TWSG1: variants seen among roughly 807,000 people sequenced by gnomAD.
The protein encoded by TWSG1 is twisted gastrulation protein homolog 1.
A neutral mutation model predicts 23.0 loss-of-function variants in TWSG1; 15 were observed. The observed-to-expected ratio is 0.65, with a 90% CI of 0.44 to 1.00. The LOEUF is 1.00. TWSG1 is among the 50% of genes least tolerant of loss of function. The pLI is 0.00. For synonymous variants in TWSG1, 86 were observed against 92.8 expected (o/e 0.93, Z 0.42); for missense variants, 242 against 278.7 (o/e 0.87, Z 0.94).
chr18:9,386,832 A>G (rs2040687240), intron 3 of TWSG1, among the ~76,000 whole-genome samples: 2 of 152,234 alleles, frequency 1.3e-5, no homozygotes, highest in Admixed American at 1.3e-4. Flanking sequence ...CACTGCCATC[A>G]GACTTCTCAT....
chr18:9,396,487 A>T lies in TWSG1; in HGVS notation c.431A>T (p.His144Leu). ...TTTTTAGAAACTGTGAACCAGCCAC[A>T]CCACCAGAATGTGTCTGTCCCCAGC... ...VSFLETVNQP[H>L]HQNVSVPSNN... The change falls in exon 4 of 5, where the codon CAC becomes CTC. Residue 144 changes from histidine (H) to leucine (L), a missense_variant. By Grantham distance (99) the His-to-Leu change is moderately conservative. Coordinates refer to ENST00000262120, the MANE Select transcript of TWSG1 (RefSeq NM_020648.6). The T allele has an allele frequency of 6.2e-7, 1 of 1,614,120 alleles. No individual in the cohort carries two copies. Among genetic ancestry groups the T allele is most frequent in the Non-Finnish European group, 8.5e-7 (1 of 1,180,046 alleles).
At chr18:9,348,663 C>T (rs1218273280) in intron 2 of TWSG1, among the ~76,000 whole-genome samples, 1 of 152,186 alleles carries the variant, frequency 6.6e-6, no homozygotes, top group Non-Finnish European at 1.5e-5. Context: ...AGCTGCTTTT[C>T]TCCTTAAACT....
At chr18:9,365,791 A>C (rs1215961392) in intron 3 of TWSG1, among the ~76,000 whole-genome samples, 4 of 152,186 alleles carry the variant, frequency 2.6e-5, no homozygotes, top group Admixed American at 2.6e-4. Context: ...GCATGAGCAC[A>C]GGAGTTCAAG....
At chr18:9,362,369 A>G (rs1441772547) in intron 3 of TWSG1, among the ~76,000 whole-genome samples, 1 of 152,022 alleles carries the variant, frequency 6.6e-6, no homozygotes, top group Non-Finnish European at 1.5e-5. Flanking sequence ...CACAACACCC[A>G]GCTGATTTTT....
intron 3 of TWSG1, among the ~76,000 whole-genome samples, chr18:9,387,787 A>G (rs1332295081): frequency 7.0e-6 from 1 of 143,422 alleles, no homozygotes; most frequent in East Asian, 2.0e-4. Flanking sequence ...AAAAAAAAAA[A>G]GCAAATTGCA....
At chr18:9,337,090 T>C in intron 1 of TWSG1, 103 bp from the exon 2 acceptor site, 1 of 1,041,544 alleles carries the variant, frequency 9.6e-7, no homozygotes, top group Non-Finnish European at 1.4e-6. Flanking sequence ...AAAAAGTATA[T>C]TGACACAAAC....
At chr18:9,355,219 G>A (rs1186582158) in intron 2 of TWSG1, among the ~76,000 whole-genome samples, 1 of 152,186 alleles carries the variant, frequency 6.6e-6, no homozygotes, top group African/African-American at 2.4e-5. Flanking sequence ...GCCTCCCAAA[G>A]TGCTGGGATT....
chr18:9,375,831 GAATT>G (rs879798689), intron 3 of TWSG1, among the ~76,000 whole-genome samples: 4 of 152,068 alleles, frequency 2.6e-5, no homozygotes, highest in Non-Finnish European at 5.9e-5. Context: ...TGAAATCAAA[GAATT>G]AAATAAATGG....
chr18:9,359,916 G>T, intron 2 of TWSG1, 56 bp from the exon 3 acceptor site: 1 of 1,407,642 alleles, frequency 7.1e-7, no homozygotes, highest in South Asian at 1.2e-5. Context: ...TTAAAAAGTA[G>T]CAGTTTTATA....
At chr18:9,363,861 C>G (rs1031155096) in intron 3 of TWSG1, among the ~76,000 whole-genome samples, 2 of 152,146 alleles carry the variant, frequency 1.3e-5, no homozygotes, top group Non-Finnish European at 2.9e-5. Flanking sequence ...CTCCTGTCCT[C>G]AAGTGATCTG....
chr18:9,356,510 T>C (rs975848988), intron 2 of TWSG1, among the ~76,000 whole-genome samples: 1 of 152,186 alleles, frequency 6.6e-6, no homozygotes, highest in African/African-American at 2.4e-5. Context: ...AAAAATTATT[T>C]GGCATAATAT....
At chr18:9,347,400 G>A (rs1026234512) in intron 2 of TWSG1, among the ~76,000 whole-genome samples, 11 of 152,196 alleles carry the variant, frequency 7.2e-5, no homozygotes, top group Admixed American at 5.9e-4. Context: ...AATAGGGATT[G>A]CATTGAATCT....
chr18:9,346,938 A>G (rs1362892580), intron 2 of TWSG1, among the ~76,000 whole-genome samples: 1 of 152,212 alleles, frequency 6.6e-6, no homozygotes, highest in Non-Finnish European at 1.5e-5. Context: ...ACCATTTTGC[A>G]TTCCTACCAG....
intron 3 of TWSG1, among the ~76,000 whole-genome samples, chr18:9,372,391 G>A (rs1451039970): frequency 1.1e-5 from 1 of 87,584 alleles, no homozygotes; most frequent in African/African-American, 4.1e-5. Context: ...AAAATAATAC[G>A]GTAATAAAAG....
intron 3 of TWSG1, among the ~76,000 whole-genome samples, chr18:9,395,343 A>C (rs2040729750): frequency 1.3e-5 from 2 of 152,146 alleles, no homozygotes; most frequent in African/African-American, 4.8e-5. Flanking sequence ...TTTGTGGAGA[A>C]CTTTCCAAGA....
Position 9,375,776 on chromosome 18 carries a change from A to T in TWSG1, c.223+15705A>T, listed in dbSNP as rs532228930. Among the ~76,000 whole-genome samples, 11 of 152,322 alleles carry T rather than the reference A, an allele frequency of 7.2e-5. No individual in the cohort carries two copies. The South Asian group carries it at 2.3e-3, about 32-fold the overall frequency. ...AATACTTAGGTATAAATCTAACAAA[A>T]TATGCGCAAGGTCTGTATGAGGAAA... On this transcript the variant is annotated intron_variant, in intron 3 of 4. Transcript: ENST00000262120.
At chr18:9,375,195 A>G (rs2040624197) in intron 3 of TWSG1, among the ~76,000 whole-genome samples, 1 of 149,818 alleles carries the variant, frequency 6.7e-6, no homozygotes, top group African/African-American at 2.4e-5. Context: ...AAATCAAGCA[A>G]TGTAATCTTA....
At position 9,385,545 on chromosome 18, in the gene TWSG1, C is replaced by T. The variant is rs1296919028; in HGVS notation, c.224-10735C>T. Among the ~76,000 whole-genome samples the T allele has an allele frequency of 5.3e-5, 5 of 94,262 alleles. 2 individuals are homozygous for T. The highest frequency in any genetic ancestry group is 6.9e-4 in the South Asian group (2 of 2,884). 61.8% of individuals were successfully genotyped at this position (94,262 alleles called of 152,430 possible). On this transcript the variant is annotated intron_variant, in intron 3 of 4. Transcript: ENST00000262120. The stretch of plus-strand genomic sequence containing the variant: ...CTACTAAAAAATACAAAAAATTAGC[C>T]GGGCGCGGTGGCGGGCGCCTGTAGT...
At chr18:9,363,761 G>A (rs925497454) in intron 3 of TWSG1, among the ~76,000 whole-genome samples, 1 of 151,960 alleles carries the variant, frequency 6.6e-6, no homozygotes, top group Non-Finnish European at 1.5e-5. Context: ...AGGTAGCTGG[G>A]ACTACAGACA....
Sources: allele counts gnomAD v4.1 joint callset (sites outside exome capture counted in the v4.1 genomes callset), GRCh38; gene constraint gnomAD v4.1.1; transcripts MANE v1.5; gene names NCBI Gene and HGNC (gene_info 2026-07-23, HGNC 2026-07-21).